The following EPHA5 variants were observed in gnomAD, a reference collection of about 807,000 sequenced individuals.
EPHA5 encodes the protein ephrin type-A receptor 5.
Under a neutral mutation model 105.0 loss-of-function variants are expected in EPHA5, and 60 were observed. That is an observed-to-expected ratio of 0.57 (90% CI 0.46 to 0.71). The LOEUF (loss-of-function observed/expected upper bound fraction) is 0.71. Among genes scored for constraint, EPHA5 ranks in the 30% least tolerant of loss-of-function variants. The pLI is 0.00. For synonymous variants in EPHA5, 513 were observed against 449.1 expected, an observed-to-expected ratio of 1.14 and a Z score of -1.80; for missense variants, 1,218 against 1,274.7, an observed-to-expected ratio of 0.96 and a Z score of 0.68.
intron 11 of EPHA5, among the ~76,000 whole-genome samples, chr4:65,363,645 A>C (rs1717557986): frequency 6.6e-6 from 1 of 151,526 alleles, no homozygotes; most frequent in Admixed American, 6.6e-5. Flanking sequence ...ATTATCAAAT[A>C]TTTGCTTACT....
chr4:65,339,909 GC>G (rs1427273221), intron 14 of EPHA5, among the ~76,000 whole-genome samples: 1 of 152,142 alleles, frequency 6.6e-6, no homozygotes, highest in Non-Finnish European at 1.5e-5. Context: ...ACAGACAGTG[GC>G]CCTGGCTGTG....
At chr4:65,432,776 G>A (rs1002765108) in intron 5 of EPHA5, among the ~76,000 whole-genome samples, 2 of 151,466 alleles carry the variant, frequency 1.3e-5, no homozygotes, top group Non-Finnish European at 2.9e-5. Context: ...TTCTACTACT[G>A]CTTTTACAGC....
At chr4:65,538,420 C>T (rs1247978397) in intron 3 of EPHA5, among the ~76,000 whole-genome samples, 1 of 151,614 alleles carries the variant, frequency 6.6e-6, no homozygotes, top group Non-Finnish European at 1.5e-5. Flanking sequence ...CTTCCTATTC[C>T]AAGCAATATC....
chr4:65,324,227 A>G lies in EPHA5; in HGVS notation c.2946-8T>C. On this transcript the variant is annotated splice_polypyrimidine_tract_variant and splice_region_variant and intron_variant, in intron 16 of 16. Coordinates refer to ENST00000613740, the MANE Select transcript of EPHA5 (RefSeq NM_001281766.3). ...CCAAGCCGTCTCAAATCCCTGCATG[A>G]AGAAAGCACACATTGGATGTATTGA... 3 of 1,592,184 alleles carry G rather than the reference A, an allele frequency of 1.9e-6. No homozygotes were observed. Among genetic ancestry groups the G allele is most frequent in the East Asian group, 2.2e-5 (1 of 44,530 alleles).
chr4:65,597,533 C>G (rs1195508047), intron 3 of EPHA5, among the ~76,000 whole-genome samples: 2 of 150,334 alleles, frequency 1.3e-5, no homozygotes, highest in East Asian at 3.9e-4. Context: ...TAATAAATAA[C>G]AAGTGGGGAA....
intron 3 of EPHA5, among the ~76,000 whole-genome samples, chr4:65,509,008 A>G (rs990766421): frequency 2.0e-5 from 3 of 152,148 alleles, no homozygotes; most frequent in Non-Finnish European, 4.4e-5. Context: ...TTCAGTGCAA[A>G]TCTATAAAAT....
chr4:65,345,470 T>C (rs1040752283), intron 14 of EPHA5, among the ~76,000 whole-genome samples: 25 of 152,322 alleles, frequency 1.6e-4, no homozygotes, highest in African/African-American at 2.9e-4. Context: ...GCAACAGATA[T>C]CTGCAAAGAG....
At chr4:65,561,052 G>A (rs1454249785) in intron 3 of EPHA5, among the ~76,000 whole-genome samples, 1 of 151,652 alleles carries the variant, frequency 6.6e-6, no homozygotes, top group East Asian at 1.9e-4. Flanking sequence ...TAAGTACAAG[G>A]CATTTATCGG....
At chr4:65,516,031 T>A (rs1172298052) in intron 3 of EPHA5, among the ~76,000 whole-genome samples, 5 of 152,156 alleles carry the variant, frequency 3.3e-5, no homozygotes, top group Non-Finnish European at 7.3e-5. Flanking sequence ...CCACCATGCT[T>A]ACAGCAGATC....
In EPHA5 at chr4:65,529,520, C is replaced by A. The variant is rs535422391; in HGVS notation, c.911-33977G>T. Among the ~76,000 whole-genome samples, 4 of 151,686 alleles carry A rather than the reference C, an allele frequency of 2.6e-5. No homozygotes were observed. The South Asian group carries it at 8.3e-4, about 32-fold the overall frequency. On this transcript the variant is annotated intron_variant, in intron 3 of 16. Transcript: ENST00000613740. ...TTCAGAGAAAGAAAGAAAAAAACAA[C>A]AAAAAAAGAAAGACCAAGAGGGAGA... is the stretch of plus-strand genomic sequence containing the variant.
intron 3 of EPHA5, among the ~76,000 whole-genome samples, chr4:65,601,306 G>A (rs1743701693): frequency 6.6e-6 from 1 of 152,132 alleles, no homozygotes; most frequent in Non-Finnish European, 1.5e-5. Context: ...GAAAATAGAT[G>A]TAGCAGACAA....
At position 65,323,190 on chromosome 4, in the gene EPHA5, C is replaced by G; in HGVS notation, c.*924G>C. 4.4e-6 allele frequency: 1 copy of G among 228,648 alleles called. No individual in the cohort carries two copies. The highest frequency in any genetic ancestry group is 6.2e-5 in the East Asian group (1 of 16,160). 14.2% of individuals were successfully genotyped at this position (228,648 alleles called of 1,614,324 possible). ...GGGGATTTAGTCTTATACACATTTCCTTTTAGTGAATAAAGAGATTAGCTT... is the reference window on the plus strand; with the variant it reads ...GGGGATTTAGTCTTATACACATTTCGTTTTAGTGAATAAAGAGATTAGCTT... On this transcript the variant is annotated 3_prime_UTR_variant, in exon 17 of 17. Coordinates refer to ENST00000613740, the MANE Select transcript of EPHA5 (RefSeq NM_001281766.3).
intron 16 of EPHA5, chr4:65,330,958 G>A: frequency 9.6e-7 from 1 of 1,043,714 alleles, no homozygotes; most frequent in Non-Finnish European, 1.2e-6. Context: ...ATAAATGGTG[G>A]TACCCTGTTA....
intron 16 of EPHA5, chr4:65,331,752 T>G (rs1720638467): frequency 8.2e-7 from 1 of 1,226,182 alleles, no homozygotes; most frequent in Non-Finnish European, 1.0e-6. Context: ...TATTCAAGTA[T>G]GCCAATGTTA....
At chr4:65,398,278 G>A (rs574924153) in intron 8 of EPHA5, among the ~76,000 whole-genome samples, 1 of 152,186 alleles carries the variant, frequency 6.6e-6, no homozygotes, top group Non-Finnish European at 1.5e-5. Context: ...GTGCACACTT[G>A]GGGTGGTGCT....
chr4:65,501,589 T>G (rs919274178), intron 3 of EPHA5, among the ~76,000 whole-genome samples: 9 of 151,688 alleles, frequency 5.9e-5, no homozygotes, highest in African/African-American at 2.2e-4. Context: ...AAAACACTAT[T>G]GAAAGAAATC....
At chr4:65,616,048 G>T (rs1002074200) in intron 2 of EPHA5, among the ~76,000 whole-genome samples, 1 of 151,792 alleles carries the variant, frequency 6.6e-6, no homozygotes, top group Non-Finnish European at 1.5e-5. Flanking sequence ...GACCTTCAGT[G>T]AGCAAATGGT....
chr4:65,332,991 T>C (rs1199252552), intron 15 of EPHA5, among the ~76,000 whole-genome samples: 3 of 151,712 alleles, frequency 2.0e-5, no homozygotes, highest in South Asian at 4.1e-4. Context: ...AAACAAAATG[T>C]AACCCCAAAT....
chr4:65,508,425 A>G (rs1013707334), intron 3 of EPHA5, among the ~76,000 whole-genome samples: 4 of 152,110 alleles, frequency 2.6e-5, no homozygotes, highest in African/African-American at 9.6e-5. Context: ...CTTGATTGCT[A>G]AGATAGAAGT....
Sources: allele counts gnomAD v4.1 joint callset (sites outside exome capture counted in the v4.1 genomes callset), GRCh38; gene constraint gnomAD v4.1.1; transcripts MANE v1.5; gene names NCBI Gene and HGNC (gene_info 2026-07-23, HGNC 2026-07-21).